Variants in KCNMB2 observed in about 807,000 individuals in gnomAD.
KCNMB2 encodes the protein calcium-activated potassium channel subunit beta-2.
In KCNMB2, 9 loss-of-function variants were observed where a neutral mutation model predicts 24.5. That is an observed-to-expected ratio of 0.37 (90% CI 0.22 to 0.64). The LOEUF (loss-of-function observed/expected upper bound fraction) is 0.64, where lower values mean the gene tolerates loss of function less well. KCNMB2 is among the 30% of genes least tolerant of loss of function. KCNMB2 has a pLI of 0.63. For synonymous variants in KCNMB2, 109 were observed against 104.4 expected, an observed-to-expected ratio of 1.04 and a Z score of -0.27; for missense variants, 226 against 284.3, an observed-to-expected ratio of 0.79 and a Z score of 1.47.
At chr3:178,764,847 G>A (rs748113112) in intron 1 of KCNMB2, among the ~76,000 whole-genome samples, 16 of 152,150 alleles carry the variant, frequency 1.1e-4, no homozygotes, top group Non-Finnish European at 1.8e-4. Flanking sequence ...CTGGCCCAGA[G>A]CATTGTGTTA....
intron 1 of KCNMB2, among the ~76,000 whole-genome samples, chr3:178,787,256 T>C (rs922580307): frequency 6.6e-6 from 1 of 152,200 alleles, no homozygotes; most frequent in African/African-American, 2.4e-5. Context: ...ATATACTTAA[T>C]GCTTCCCATG....
At chr3:178,646,027 C>T (rs1278334165) in intron 1 of KCNMB2, among the ~76,000 whole-genome samples, 1 of 152,142 alleles carries the variant, frequency 6.6e-6, no homozygotes. Context: ...CGTCTCACAT[C>T]CATCTGCATA....
chr3:178,775,370 A>AT (rs1452372225), intron 1 of KCNMB2, among the ~76,000 whole-genome samples: 2 of 152,188 alleles, frequency 1.3e-5, no homozygotes, highest in Non-Finnish European at 2.9e-5. Flanking sequence ...GCATCAGTAA[A>AT]TAAAACACCC....
chr3:178,843,628 T>C lies in KCNMB2; in HGVS notation c.*691T>C, dbSNP rs1333500925. 6.2e-6 allele frequency: 1 copy of C among 161,150 alleles called. No individual in the cohort carries two copies. The highest frequency in any genetic ancestry group is 2.4e-5 in the African/African-American group (1 of 41,514). The allele number at this position is 161,150 out of a possible 1,614,324, so 10.0% of individuals were successfully genotyped here. A position where few individuals can be genotyped will look rare whatever the true frequency, so the allele number is the denominator to read the frequency against. ...ACCCCTTTTCCATTTAAGACCCTGC[T>C]ACTGTGTGAAGAGATGATACTTACA... On this transcript the variant is annotated 3_prime_UTR_variant, in exon 5 of 5. Transcript: ENST00000452583.
intron 1 of KCNMB2, among the ~76,000 whole-genome samples, chr3:178,539,027 G>T (rs1277671476): frequency 6.6e-6 from 1 of 152,058 alleles, no homozygotes; most frequent in Non-Finnish European, 1.5e-5. Flanking sequence ...AGTCAGTCTT[G>T]TTTCCTCAGT....
chr3:178,691,756 C>A (rs1721687129), intron 1 of KCNMB2, among the ~76,000 whole-genome samples: 1 of 152,118 alleles, frequency 6.6e-6, no homozygotes, highest in South Asian at 2.1e-4. Flanking sequence ...AATTTATACT[C>A]CTTTGGGGAT....
intron 1 of KCNMB2, among the ~76,000 whole-genome samples, chr3:178,752,044 C>T (rs1723868757): frequency 6.6e-6 from 1 of 152,116 alleles, no homozygotes; most frequent in South Asian, 2.1e-4. Flanking sequence ...CCTGCCAAAG[C>T]CAACAGTATA....
At chr3:178,595,743 T>C (rs1413895352) in intron 1 of KCNMB2, among the ~76,000 whole-genome samples, 1 of 152,126 alleles carries the variant, frequency 6.6e-6, no homozygotes, top group Non-Finnish European at 1.5e-5. Flanking sequence ...TAAACCTCTT[T>C]CCTTTATAAA....
chr3:178,621,667 ATGCATTTGTGAGATAAATTACTC>A (rs1718926783), intron 1 of KCNMB2, among the ~76,000 whole-genome samples: 20 of 152,268 alleles, frequency 1.3e-4, no homozygotes, highest in Middle Eastern at 3.4e-3. Context: ...AATATTTACT[ATGCATTTGTGAGATAAATTACTC>A]TGTTAAGTTT....
chr3:178,728,777 T>C (rs1220874598), intron 1 of KCNMB2, among the ~76,000 whole-genome samples: 1 of 152,172 alleles, frequency 6.6e-6, no homozygotes, highest in Non-Finnish European at 1.5e-5. Context: ...CTACAAAAAA[T>C]AGTATATACA....
chr3:178,832,228 C>G (rs1715081105), intron 4 of KCNMB2, among the ~76,000 whole-genome samples: 1 of 152,098 alleles, frequency 6.6e-6, no homozygotes, highest in South Asian at 2.1e-4. Context: ...AGGACACATT[C>G]ACTGAGTATA....
At chr3:178,676,282 G>A (rs772048099) in intron 1 of KCNMB2, among the ~76,000 whole-genome samples, 1 of 152,160 alleles carries the variant, frequency 6.6e-6, no homozygotes, top group Non-Finnish European at 1.5e-5. Flanking sequence ...AACTCAGTGG[G>A]CACGAATGAT....
chr3:178,785,512 T>A (rs1021955081), intron 1 of KCNMB2, among the ~76,000 whole-genome samples: 4 of 151,988 alleles, frequency 2.6e-5, no homozygotes, highest in African/African-American at 9.7e-5. Context: ...AAAAATTACA[T>A]ATTGACCGAT....
chr3:178,651,486 C>A (rs1256898911), intron 1 of KCNMB2, among the ~76,000 whole-genome samples: 1 of 152,118 alleles, frequency 6.6e-6, no homozygotes, highest in African/African-American at 2.4e-5. Context: ...TTAAAATGGC[C>A]ATACTGCCCA....
At chr3:178,631,916 C>T (rs527833939) in intron 1 of KCNMB2, among the ~76,000 whole-genome samples, 1 of 152,322 alleles carries the variant, frequency 6.6e-6, no homozygotes, top group African/African-American at 2.4e-5. Flanking sequence ...CACAGCTTCA[C>T]ATCATGCATG....
At chr3:178,571,915 C>A (rs958626964) in intron 1 of KCNMB2, among the ~76,000 whole-genome samples, 9 of 152,110 alleles carry the variant, frequency 5.9e-5, no homozygotes, top group African/African-American at 2.2e-4. Context: ...GCCAAATTTT[C>A]TTTATCCAGC....
chr3:178,730,414 C>T (rs575738542), intron 1 of KCNMB2, among the ~76,000 whole-genome samples: 4 of 130,958 alleles, frequency 3.1e-5, no homozygotes, highest in East Asian at 2.3e-4. Context: ...CACCCCCCCA[C>T]ACACACACAC....
intron 1 of KCNMB2, among the ~76,000 whole-genome samples, chr3:178,693,701 G>A (rs2108331825): frequency 6.6e-6 from 1 of 152,122 alleles, no homozygotes; most frequent in East Asian, 1.9e-4. Context: ...ATATTGGCCT[G>A]AAGCTTTTTT....
At chr3:178,591,004 A>T (rs1353798217) in intron 1 of KCNMB2, among the ~76,000 whole-genome samples, 2 of 152,192 alleles carry the variant, frequency 1.3e-5, no homozygotes, top group African/African-American at 4.8e-5. Context: ...CCACTAAAAA[A>T]CAAAGCCCAG....
Sources: allele counts gnomAD v4.1 joint callset (sites outside exome capture counted in the v4.1 genomes callset), GRCh38; gene constraint gnomAD v4.1.1; transcripts MANE v1.5; gene names NCBI Gene and HGNC (gene_info 2026-07-23, HGNC 2026-07-21).